Variants in KCTD16 observed in about 807,000 individuals in gnomAD.
The protein encoded by KCTD16 is BTB/POZ domain-containing protein KCTD16.
A neutral mutation model predicts 33.2 loss-of-function variants in KCTD16; 13 were observed. That is an observed-to-expected ratio of 0.39 (90% CI 0.25 to 0.62). The LOEUF is 0.62. Among genes scored for constraint, KCTD16 ranks in the 20% least tolerant of loss-of-function variants. The probability of loss-of-function intolerance (pLI) is 0.50; values close to 1 mark genes in which losing one functional copy is unlikely to be tolerated. For synonymous variants in KCTD16, 197 were observed against 195.3 expected, an observed-to-expected ratio of 1.01 and a Z score of -0.07; for missense variants, 441 against 525.1, an observed-to-expected ratio of 0.84 and a Z score of 1.57.
intron 3 of KCTD16, among the ~76,000 whole-genome samples, chr5:144,351,241 T>C (rs904830512): frequency 2.0e-5 from 3 of 152,174 alleles, no homozygotes; most frequent in African/African-American, 7.2e-5. Context: ...ATTGTGAAGG[T>C]GCTAACAGAT....
chr5:144,329,190 C>G (rs1204534552), intron 3 of KCTD16, among the ~76,000 whole-genome samples: 2 of 152,148 alleles, frequency 1.3e-5, no homozygotes, highest in Non-Finnish European at 2.9e-5. Context: ...GCTGATCAGG[C>G]CTGACTGGCT....
At chr5:144,180,404 A>G (rs893358780) in intron 2 of KCTD16, among the ~76,000 whole-genome samples, 1 of 152,194 alleles carries the variant, frequency 6.6e-6, no homozygotes, top group African/African-American at 2.4e-5. Context: ...ATATTTCTCA[A>G]TGTAACTATC....
At chr5:144,298,003 G>A (rs1042953152) in intron 3 of KCTD16, among the ~76,000 whole-genome samples, 5 of 152,200 alleles carry the variant, frequency 3.3e-5, no homozygotes, top group Non-Finnish European at 5.9e-5. Context: ...ATTCGGCAGG[G>A]TGTCCGCTGT....
At chr5:144,232,666 T>G (rs937593039) in intron 3 of KCTD16, among the ~76,000 whole-genome samples, 1 of 152,210 alleles carries the variant, frequency 6.6e-6, no homozygotes, top group African/African-American at 2.4e-5. Flanking sequence ...TCTGCAGTTT[T>G]TAGAGCAGTA....
chr5:144,331,038 C>T (rs1344085807), intron 3 of KCTD16, among the ~76,000 whole-genome samples: 2 of 152,164 alleles, frequency 1.3e-5, no homozygotes, highest in East Asian at 3.9e-4. Flanking sequence ...TTAAAATAGC[C>T]ATAAACTTTT....
At chr5:144,347,447 T>C (rs1210416097) in intron 3 of KCTD16, among the ~76,000 whole-genome samples, 2 of 152,014 alleles carry the variant, frequency 1.3e-5, no homozygotes, top group African/African-American at 4.8e-5. Context: ...ATACAAAAAT[T>C]AGCCAGATGT....
chr5:144,470,509 CT>C (rs1754445155), intron 3 of KCTD16, among the ~76,000 whole-genome samples: 2 of 152,126 alleles, frequency 1.3e-5, no homozygotes, highest in South Asian at 4.2e-4. Flanking sequence ...CTGATCCTAT[CT>C]TTCTTTTTTG....
chr5:144,199,813 T>C (rs934592303), intron 2 of KCTD16, among the ~76,000 whole-genome samples: 8 of 145,402 alleles, frequency 5.5e-5, no homozygotes, highest in Non-Finnish European at 1.2e-4. Flanking sequence ...GCCTTCCGGG[T>C]TCAAGCGATT....
At chr5:144,196,623 C>T (rs1752944594) in intron 2 of KCTD16, among the ~76,000 whole-genome samples, 1 of 152,120 alleles carries the variant, frequency 6.6e-6, no homozygotes, top group Non-Finnish European at 1.5e-5. Context: ...ATGAAAAATT[C>T]AAGAGATTGT....
At chr5:144,457,993 G>A (rs887657556) in intron 3 of KCTD16, among the ~76,000 whole-genome samples, 1 of 152,158 alleles carries the variant, frequency 6.6e-6, no homozygotes, top group Non-Finnish European at 1.5e-5. Flanking sequence ...GACACACGGG[G>A]TAGTCAGAGG....
intron 3 of KCTD16, among the ~76,000 whole-genome samples, chr5:144,243,576 G>GA (rs1328722052): frequency 6.6e-6 from 1 of 151,726 alleles, no homozygotes; most frequent in Non-Finnish European, 1.5e-5. Flanking sequence ...ACATTTATTT[G>GA]AAAAAACTTC....
intron 3 of KCTD16, among the ~76,000 whole-genome samples, chr5:144,372,205 C>CTTTT (rs200508726): frequency 7.0e-6 from 1 of 142,506 alleles, no homozygotes; most frequent in African/African-American, 2.5e-5. Context: ...CTCTGTGCTT[C>CTTTT]TTTTTTTTTT....
intron 3 of KCTD16, among the ~76,000 whole-genome samples, chr5:144,397,282 C>T (rs540570747): frequency 6.6e-6 from 1 of 152,142 alleles, no homozygotes; most frequent in Admixed American, 6.5e-5. Flanking sequence ...CATAGTATTC[C>T]ATGGTGTATA....
intron 3 of KCTD16, among the ~76,000 whole-genome samples, chr5:144,322,727 TAA>T (rs74273623): frequency 3.0e-5 from 4 of 134,612 alleles, no homozygotes; most frequent in African/African-American, 5.6e-5. Flanking sequence ...TAAACTTTAT[TAA>T]AAAAAAAAAA....
At chr5:144,191,141 T>G (rs1318868667) in intron 2 of KCTD16, among the ~76,000 whole-genome samples, 2 of 152,212 alleles carry the variant, frequency 1.3e-5, no homozygotes, top group Non-Finnish European at 2.9e-5. Flanking sequence ...AAATTCTTAT[T>G]GCTTTAATGT....
At chr5:144,376,666 T>C (rs1382766617) in intron 3 of KCTD16, among the ~76,000 whole-genome samples, 2 of 152,214 alleles carry the variant, frequency 1.3e-5, no homozygotes, top group Admixed American at 6.5e-5. Flanking sequence ...TGAAATGCAA[T>C]ATATAGTAGG....
intron 3 of KCTD16, among the ~76,000 whole-genome samples, chr5:144,293,920 G>A (rs1398179324): frequency 6.6e-6 from 1 of 152,170 alleles, no homozygotes; most frequent in Non-Finnish European, 1.5e-5. Flanking sequence ...AGCACTTTGG[G>A]AGGCCAAGGC....
At chr5:144,172,299 G>A (rs1752406798) in intron 1 of KCTD16, among the ~76,000 whole-genome samples, 1 of 152,074 alleles carries the variant, frequency 6.6e-6, no homozygotes, top group Non-Finnish European at 1.5e-5. Flanking sequence ...CATCATAGTT[G>A]TACATATTTA....
At chr5:144,455,221 A>G (rs1238748795) in intron 3 of KCTD16, among the ~76,000 whole-genome samples, 13 of 152,118 alleles carry the variant, frequency 8.5e-5, no homozygotes, top group African/African-American at 3.1e-4. Flanking sequence ...AAGAGAGGCA[A>G]GTGGAGAGTC....
Sources: gnomAD v4.1 joint callset for allele counts (sites outside exome capture counted in the v4.1 genomes callset) on GRCh38, gnomAD v4.1.1 for gene constraint, MANE v1.5 for transcripts, NCBI Gene and HGNC (gene_info 2026-07-23, HGNC 2026-07-21) for gene names.